GPN1: variants seen among roughly 807,000 people sequenced by gnomAD.
GPN1 encodes ATP(GTP)-binding protein.
Under a neutral mutation model 55.9 loss-of-function variants are expected in GPN1, and 44 were observed. The observed-to-expected ratio is 0.79, with a 90% CI of 0.62 to 1.01. The LOEUF (loss-of-function observed/expected upper bound fraction) is 1.01. Among genes scored for constraint, GPN1 ranks in the 50% least tolerant of loss-of-function variants. The pLI, the probability that GPN1 is intolerant of heterozygous loss-of-function variation, is 0.00. For synonymous variants in GPN1, 179 were observed against 162.5 expected, an observed-to-expected ratio of 1.10 and a Z score of -0.77; for missense variants, 466 against 462.8, an observed-to-expected ratio of 1.01 and a Z score of -0.06.
At chr2:27,633,447 A>G (rs1315267287) in intron 5 of GPN1, among the ~76,000 whole-genome samples, 2 of 152,082 alleles carry the variant, frequency 1.3e-5, no homozygotes, top group Non-Finnish European at 1.5e-5. Context: ...CTGGGACTAC[A>G]GGTGTGAGCC....
chr2:27,633,721 C>G (rs577748451), intron 5 of GPN1, among the ~76,000 whole-genome samples: 1 of 151,910 alleles, frequency 6.6e-6, no homozygotes, highest in South Asian at 2.1e-4. Flanking sequence ...AAGTGATCTG[C>G]CCGGCTTAAC....
At chr2:27,628,352 A>G, upstream of GPN1, 2 of 1,505,260 alleles carry the variant, frequency 1.3e-6, no homozygotes, top group Non-Finnish European at 1.8e-6. Context: ...AGGGACCTTC[A>G]GTGACTGGAG....
chr2:27,642,453 A>T lies in GPN1; in HGVS notation c.865A>T (p.Arg289Ter). 2.5e-6 allele frequency: 4 copies of T among 1,613,332 alleles called. No homozygotes were observed. Among genetic ancestry groups the T allele is most frequent in the African/African-American group, 2.7e-5 (2 of 75,008 alleles). The stretch of plus-strand genomic sequence containing the variant: ...GGCCAACGCAGAGAGCCAACAGCAG[A>T]GAGAACAACTGGAACGCCTTCGAAA... ...SLANAESQQQREQLERLRKDM... is the reference protein window; with the variant it reads ...SLANAESQQQ Residue 289 changes from arginine to a stop codon, truncating the protein, a stop_gained, in exon 12 of 14, where the codon AGA (arginine) becomes TGA (stop). Transcript: ENST00000610189. LOFTEE classifies it high-confidence loss of function.
intron 5 of GPN1, among the ~76,000 whole-genome samples, chr2:27,633,797 TA>T (rs1480220390): frequency 6.6e-6 from 1 of 151,718 alleles, no homozygotes. Flanking sequence ...TTTTTTTTTT[TA>T]ATGACAGCTT....
chr2:27,642,633 G>C (rs1281928245), intron 12 of GPN1, 114 bp downstream of exon 12: 1 of 655,946 alleles, frequency 1.5e-6, no homozygotes, highest in African/African-American at 1.8e-5. Context: ...CTGGAGTCTC[G>C]GCTCACCACA....
At chr2:27,634,010 ATTGG>A (rs1302170761) in intron 5 of GPN1, among the ~76,000 whole-genome samples, 1 of 151,836 alleles carries the variant, frequency 6.6e-6, no homozygotes, top group African/African-American at 2.4e-5. Context: ...TTCCATTCCC[ATTGG>A]CAATATGATT....
chr2:27,647,852 G>C lies in GPN1; in HGVS notation c.948G>C (p.Val316=). ...TCACTGTAGACAGCTTATCTCCTGT[G>C]CTGCACCCTTCTGATTTGATCCTGA... is the stretch of plus-strand genomic sequence containing the variant. ...AGTAKDSLSP[V]LHPSDLILTR... Residue 316 remains valine, a synonymous_variant, in exon 13 of 14, where the codon GTG becomes GTC. Transcript: ENST00000610189. 1 of 1,611,426 alleles carries C rather than the reference G, an allele frequency of 6.2e-7. No individual in the cohort carries two copies.
At chr2:27,635,544 C>G (rs554848240) in intron 7 of GPN1, among the ~76,000 whole-genome samples, 1 of 152,252 alleles carries the variant, frequency 6.6e-6, no homozygotes, top group African/African-American at 2.4e-5. Flanking sequence ...AGATAAAGTC[C>G]TCTGGGCTGG....
upstream of GPN1, chr2:27,628,951 C>A: frequency 6.4e-7 from 1 of 1,555,644 alleles, no homozygotes; most frequent in East Asian, 2.3e-5. Context: ...GCCCCTCACC[C>A]GCTCCTTTCT....
At chr2:27,647,127 C>T (rs1431889672) in intron 12 of GPN1, among the ~76,000 whole-genome samples, 2 of 152,146 alleles carry the variant, frequency 1.3e-5, no homozygotes, top group Non-Finnish European at 2.9e-5. Context: ...CCCACAGGCC[C>T]CTTGAGATTT....
Position 27,629,936 on chromosome 2 carries a change from C to T in GPN1, c.189C>T (p.Pro63=). The T allele has an allele frequency of 6.3e-7, 1 of 1,589,158 alleles. No homozygotes were observed. Among genetic ancestry groups the T allele is most frequent in the Non-Finnish European group, 8.6e-7 (1 of 1,157,188 alleles). Residue 63 remains proline (P), a synonymous_variant, in exon 2 of 14, where the codon CCC becomes CCT. Transcript: ENST00000610189. ...TGGATCCAGCAGTACATGAAGTTCC[C>T]TTTCCTGCCAATATTGGTGAGTAAA... ...INLDPAVHEV[P]FPANIDIRDT...
chr2:27,648,436 T>C (rs1674350722), intron 13 of GPN1, among the ~76,000 whole-genome samples: 1 of 152,146 alleles, frequency 6.6e-6, no homozygotes, highest in Non-Finnish European at 1.5e-5. Flanking sequence ...GGTGGGTTGC[T>C]TGAGCCCAGA....
intron 12 of GPN1, among the ~76,000 whole-genome samples, chr2:27,644,413 T>G (rs1465458869): frequency 6.6e-6 from 1 of 152,222 alleles, no homozygotes; most frequent in Non-Finnish European, 1.5e-5. Flanking sequence ...TTCACGGTGT[T>G]ATTTTGCCAT....
chr2:27,641,324 A>C, intron 11 of GPN1, 45 bp downstream of exon 11: 1 of 1,360,702 alleles, frequency 7.3e-7, no homozygotes, highest in Non-Finnish European at 1.1e-6. Context: ...GCCATTAAAA[A>C]AACCCAGCTC....
At chr2:27,644,379 C>T (rs1674111734) in intron 12 of GPN1, among the ~76,000 whole-genome samples, 1 of 152,048 alleles carries the variant, frequency 6.6e-6, no homozygotes, top group Non-Finnish European at 1.5e-5. Context: ...ATATTTTCTC[C>T]CTATCAGTTA....
rs1327986026 is a variant in GPN1, at chr2:27,629,315, C to T, written c.111+146C>T. ...TTCCCATCAACTTTAGTTCCTTCCCCGGCAAAGCCTCCTCGGGCCCTAGCC... is the reference window on the plus strand; with the variant it reads ...TTCCCATCAACTTTAGTTCCTTCCCTGGCAAAGCCTCCTCGGGCCCTAGCC... On this transcript the variant is annotated intron_variant, in intron 1 of 13. Coordinates refer to ENST00000610189, the MANE Select transcript of GPN1 (RefSeq NM_007266.4). The T allele has an allele frequency of 3.3e-5, 49 of 1,483,958 alleles. 2 individuals carry two copies. The highest frequency in any genetic ancestry group is 1.7e-4 in the South Asian group (14 of 83,404). 91.9% of individuals were successfully genotyped at this position (1,483,958 alleles called of 1,614,324 possible). A position where few individuals can be genotyped will look rare whatever the true frequency, so the allele number is the denominator to read the frequency against.
At chr2:27,635,444 C>T (rs748072749) in intron 7 of GPN1, among the ~76,000 whole-genome samples, 1 of 152,076 alleles carries the variant, frequency 6.6e-6, no homozygotes, top group Non-Finnish European at 1.5e-5. Flanking sequence ...TCAATACCCT[C>T]TGATCTTCCT....
rs7572363 is a variant in GPN1, at chr2:27,629,270, G to T, written c.111+101G>T. On this transcript the variant is annotated intron_variant, in intron 1 of 13. Coordinates refer to ENST00000610189, the MANE Select transcript of GPN1 (RefSeq NM_007266.4). ...GAGGGAAGAGGATTTGGAGGGTACC[G>T]GCGCATGGCTTTCGGGGGCTTCCCA... is the stretch of plus-strand genomic sequence containing the variant. 762 of 1,486,902 alleles carry T rather than the reference G, an allele frequency of 5.1e-4. 4 individuals are homozygous for T. The African/African-American group carries it at 9.6e-3, about 19-fold the overall frequency. The allele number at this position is 1,486,902 out of a possible 1,614,324, so 92.1% of individuals were successfully genotyped here. A position where few individuals can be genotyped will look rare whatever the true frequency, so the allele number is the denominator to read the frequency against.
rs367852092 is a variant in GPN1 at position 27,629,050 on chromosome 2, A to G, written c.-9A>G. 5 of 1,614,016 alleles carry G rather than the reference A, an allele frequency of 3.1e-6. No individual in the cohort carries two copies. The African/African-American group carries it at 4.0e-5, about 13-fold the overall frequency. ...TCTCTATGGTCGGGTGGGTGGGGCC[A>G]GGAGGAAGATGGCGGCGTCCGCAGC... On this transcript the variant is annotated 5_prime_UTR_variant, in exon 1 of 14. Transcript: ENST00000610189.
Sources: gnomAD v4.1 joint callset for allele counts (sites outside exome capture counted in the v4.1 genomes callset) on GRCh38, gnomAD v4.1.1 for gene constraint, MANE v1.5 for transcripts, NCBI Gene and HGNC (gene_info 2026-07-23, HGNC 2026-07-21) for gene names.